Variants in NAPB observed in about 807,000 individuals in gnomAD.
NAPB encodes beta-soluble NSF attachment protein.
A neutral mutation model predicts 44.7 loss-of-function variants in NAPB; 26 were observed. The ratio of observed to expected loss-of-function variants is 0.58; its 90% confidence interval spans 0.43 to 0.81. NAPB has a LOEUF of 0.81. Among genes scored for constraint, NAPB ranks in the 30% least tolerant of loss-of-function variants. NAPB has a pLI of 0.00. For synonymous variants in NAPB, 120 were observed against 116.8 expected, an observed-to-expected ratio of 1.03 and a Z score of -0.18; for missense variants, 315 against 356.4, an observed-to-expected ratio of 0.88 and a Z score of 0.94.
intron 10 of NAPB, among the ~76,000 whole-genome samples, chr20:23,378,437 T>A (rs1338652666): frequency 1.3e-5 from 2 of 149,428 alleles, no homozygotes; most frequent in Non-Finnish European, 3.0e-5. Context: ...TATATATATT[T>A]ATTATTTATT....
intron 1 of NAPB, among the ~76,000 whole-genome samples, chr20:23,409,009 C>T (rs910362715): frequency 6.6e-6 from 1 of 152,192 alleles, no homozygotes; most frequent in African/African-American, 2.4e-5. Flanking sequence ...TTTTATAAAT[C>T]GGTAATGCAG....
chr20:23,381,895 A>G (rs1015198548), intron 7 of NAPB, among the ~76,000 whole-genome samples: 2 of 152,196 alleles, frequency 1.3e-5, no homozygotes, highest in Admixed American at 6.5e-5. Context: ...AAGGCTGAAG[A>G]AGGAGTCCTA....
chr20:23,411,965 GA>G (rs1985687687), intron 1 of NAPB, among the ~76,000 whole-genome samples: 1 of 152,112 alleles, frequency 6.6e-6, no homozygotes, highest in East Asian at 1.9e-4. Flanking sequence ...CTCAGTACAA[GA>G]AACACAACTA....
chr20:23,413,935 T>A (rs965353062), intron 1 of NAPB, among the ~76,000 whole-genome samples: 1 of 152,200 alleles, frequency 6.6e-6, no homozygotes, highest in East Asian at 1.9e-4. Flanking sequence ...ACATTATTTT[T>A]AGGAGGCACC....
intron 1 of NAPB, among the ~76,000 whole-genome samples, chr20:23,409,816 T>C (rs1408661089): frequency 6.6e-6 from 1 of 152,166 alleles, no homozygotes; most frequent in Non-Finnish European, 1.5e-5. Context: ...CTCCATTAAA[T>C]ATAATTTAGG....
Position 23,381,210 on chromosome 20 carries a change from T to C in NAPB, c.666+3A>G. 5 of 1,604,740 alleles carry C rather than the reference T, an allele frequency of 3.1e-6. No individual in the cohort carries two copies. The highest frequency in any genetic ancestry group is 4.3e-6 in the Non-Finnish European group (5 of 1,171,626). ...AGTCAATCAATGCTGAAGAACTCCT[T>C]ACCTTGGCATTCAACTCGTCTACTA... On this transcript the variant is annotated splice_donor_region_variant and intron_variant, in intron 8 of 10. Coordinates refer to ENST00000377026, the MANE Select transcript of NAPB (RefSeq NM_022080.3).
chr20:23,380,005 T>G, intron 8 of NAPB, 70 bp from the exon 9 acceptor site: 3 of 1,278,366 alleles, frequency 2.3e-6, no homozygotes, highest in Middle Eastern at 4.8e-4. Context: ...TTCTATCAGC[T>G]TCAAATAAGA....
intron 2 of NAPB, among the ~76,000 whole-genome samples, chr20:23,399,918 C>A (rs1404120534): frequency 6.6e-6 from 1 of 152,228 alleles, no homozygotes; most frequent in Admixed American, 6.5e-5. Context: ...TAGATCATAT[C>A]TGTGGTTTGG....
intron 2 of NAPB, among the ~76,000 whole-genome samples, chr20:23,402,506 C>G (rs1170094298): frequency 6.6e-6 from 1 of 152,182 alleles, no homozygotes; most frequent in Admixed American, 6.5e-5. Context: ...CCCCTCCCCC[C>G]AAACCCCACT....
chr20:23,381,575 C>A (rs1462148912), intron 7 of NAPB, among the ~76,000 whole-genome samples: 1 of 152,142 alleles, frequency 6.6e-6, no homozygotes, highest in Non-Finnish European at 1.5e-5. Flanking sequence ...TTCCCCTAAT[C>A]CTCCCACTAA....
chr20:23,383,156 CAAA>C (rs34238446), intron 7 of NAPB, among the ~76,000 whole-genome samples: 10,267 of 75,832 alleles, frequency 0.14, 221 homozygotes, highest in Admixed American at 0.17. Flanking sequence ...GACTCGGTCT[CAAA>C]AAAAAAAAAA....
chr20:23,379,237 T>C, intron 10 of NAPB: 1 of 457,736 alleles, frequency 2.2e-6, no homozygotes, highest in Non-Finnish European at 3.9e-6. Flanking sequence ...ACAGCTAAAT[T>C]AGTTTTGAGT....
At chr20:23,377,907 A>C (rs1982648311) in intron 10 of NAPB, among the ~76,000 whole-genome samples, 1 of 152,242 alleles carries the variant, frequency 6.6e-6, no homozygotes, top group African/African-American at 2.4e-5. Context: ...ACCCAAAAAT[A>C]AAATTACAAT....
rs1428905052 is a variant in NAPB, at chr20:23,390,018, C to A, written c.489G>T (p.Lys163Asn). The A allele has an allele frequency of 6.2e-7, 1 of 1,614,016 alleles. No homozygotes were observed. The highest frequency in any genetic ancestry group is 1.1e-5 in the South Asian group (1 of 91,064). Residue 163 changes from lysine to asparagine, a missense_variant, in exon 7 of 11, where the codon AAG becomes AAT. This residue lies in a region of NAPB where 16 missense variants were observed against 43.4 expected (regional missense o/e 0.37). Coordinates refer to ENST00000377026, the MANE Select transcript of NAPB (RefSeq NM_022080.3). ...KGEESNSSAN[K>N]CLLKVAAYAA... Reference sequence around the variant, plus strand: ...CATATGCTGCCACCTTCAGCAGACACTTGTTTGCTGAGCTGAAATCAAGAA... The same window carrying A: ...CATATGCTGCCACCTTCAGCAGACAATTGTTTGCTGAGCTGAAATCAAGAA...
At chr20:23,407,277 G>A (rs1600592969) in intron 1 of NAPB, among the ~76,000 whole-genome samples, 1 of 152,250 alleles carries the variant, frequency 6.6e-6, no homozygotes, top group East Asian at 1.9e-4. Context: ...TAAATTTTAT[G>A]GACAAGTATT....
Position 23,381,356 on chromosome 20 carries a change from C to A in NAPB, c.562-39G>T, listed in dbSNP as rs374453669. The A allele has an allele frequency of 1.5e-4, 195 of 1,321,338 alleles. 1 individual carries two copies. Among genetic ancestry groups the A allele is most frequent in the Middle Eastern group, 5.8e-4 (3 of 5,184 alleles). 81.9% of individuals were successfully genotyped at this position (1,321,338 alleles called of 1,614,324 possible). ...GCAGAGTTAAATTTAAAAGATTTAC[C>A]CTCTTATATCAGGCAAAGTCATTCT... On this transcript the variant is annotated intron_variant, in intron 7 of 10. Coordinates refer to ENST00000377026, the MANE Select transcript of NAPB (RefSeq NM_022080.3).
At chr20:23,377,571 T>C in intron 10 of NAPB, 85 bp from the exon 11 acceptor site, 2 of 637,824 alleles carry the variant, frequency 3.1e-6, no homozygotes, top group East Asian at 6.2e-5. Context: ...TGTTTATACC[T>C]TTACAGCCAT....
At chr20:23,413,926 C>T (rs2424549) in intron 1 of NAPB, among the ~76,000 whole-genome samples, 1 of 151,486 alleles carries the variant, frequency 6.6e-6, no homozygotes, top group Non-Finnish European at 1.5e-5. Context: ...AAAACATCCA[C>T]ATTATTTTTA....
intron 1 of NAPB, among the ~76,000 whole-genome samples, chr20:23,405,700 G>A (rs922681544): frequency 6.6e-6 from 1 of 152,132 alleles, no homozygotes; most frequent in African/African-American, 2.4e-5. Flanking sequence ...CTTCAGCCTG[G>A]GTGACACAGA....
Sources: gnomAD v4.1 joint callset for allele counts (sites outside exome capture counted in the v4.1 genomes callset) on GRCh38, gnomAD v4.1.1 for gene constraint, gnomAD v4.1.1 regional missense constraint, MANE v1.5 for transcripts, NCBI Gene and HGNC (gene_info 2026-07-23, HGNC 2026-07-21) for gene names.